Variants in TMEM132B observed in about 807,000 individuals in gnomAD.
TMEM132B encodes transmembrane protein 132B.
TMEM132B carries 18 observed loss-of-function variants against 90.8 expected under a neutral mutation model. The ratio of observed to expected loss-of-function variants is 0.20; its 90% CI spans 0.14 to 0.29. The LOEUF is 0.29. Among genes scored for constraint, TMEM132B ranks in the 10% least tolerant of loss-of-function variants. The pLI is 1.00. For synonymous variants in TMEM132B, 504 were observed against 523.3 expected, an observed-to-expected ratio of 0.96 and a Z score of 0.50; for missense variants, 1,096 against 1,326.8, an observed-to-expected ratio of 0.83 and a Z score of 2.70.
At chr12:125,519,843 C>T (rs180776176) in intron 4 of TMEM132B, among the ~76,000 whole-genome samples, 2 of 152,300 alleles carry the variant, frequency 1.3e-5, no homozygotes, top group African/African-American at 4.8e-5. Context: ...TATTGCGGAA[C>T]TGTTTCCTGG....
chr12:125,263,521 G>A (rs558978058), intron 1 of TMEM132B, among the ~76,000 whole-genome samples: 6 of 152,278 alleles, frequency 3.9e-5, no homozygotes, highest in South Asian at 4.1e-4. Context: ...CCTCAGACTC[G>A]GAGTAGTGCC....
intron 1 of TMEM132B, among the ~76,000 whole-genome samples, chr12:125,263,550 C>T (rs933596207): frequency 3.3e-5 from 5 of 152,168 alleles, no homozygotes; most frequent in Admixed American, 6.5e-5. Context: ...GTGAGGTCTT[C>T]GTGCATATTT....
chr12:125,537,498 C>T (rs549850685), intron 4 of TMEM132B, among the ~76,000 whole-genome samples: 1 of 152,222 alleles, frequency 6.6e-6, no homozygotes, highest in Non-Finnish European at 1.5e-5. Context: ...CCTTCTAAGT[C>T]ACCTGGGGCG....
At chr12:125,207,530 G>A (rs1235847686) in intron 1 of TMEM132B, among the ~76,000 whole-genome samples, 2 of 152,356 alleles carry the variant, frequency 1.3e-5, no homozygotes, top group African/African-American at 4.8e-5. Flanking sequence ...GTGGAGCGCT[G>A]AAATGTGACC....
At chr12:125,549,810 C>G (rs1050159998) in intron 4 of TMEM132B, among the ~76,000 whole-genome samples, 1 of 152,072 alleles carries the variant, frequency 6.6e-6, no homozygotes, top group Non-Finnish European at 1.5e-5. Context: ...TTTTGAACAC[C>G]CAGTAGACAG....
intron 5 of TMEM132B, among the ~76,000 whole-genome samples, chr12:125,640,026 C>T (rs1886588593): frequency 6.6e-6 from 1 of 152,140 alleles, no homozygotes; most frequent in Admixed American, 6.5e-5. Flanking sequence ...CAGTCTGGGC[C>T]ACGGCTGGCT....
chr12:125,201,659 A>T (rs1873065545), intron 1 of TMEM132B, among the ~76,000 whole-genome samples: 1 of 152,232 alleles, frequency 6.6e-6, no homozygotes, highest in South Asian at 2.1e-4. Context: ...ACCCTGGGTG[A>T]ATTACTTAAT....
chr12:125,648,162 T>A (rs1038047814), intron 6 of TMEM132B, among the ~76,000 whole-genome samples: 1 of 151,534 alleles, frequency 6.6e-6, no homozygotes, highest in African/African-American at 2.4e-5. Context: ...TGTTCGGTTT[T>A]TTATTCTTGC....
intron 5 of TMEM132B, among the ~76,000 whole-genome samples, chr12:125,642,287 A>T (rs984084345): frequency 6.6e-6 from 1 of 152,208 alleles, no homozygotes; most frequent in Non-Finnish European, 1.5e-5. Flanking sequence ...TGTTCTGATT[A>T]TTCTCTTTAC....
intron 4 of TMEM132B, among the ~76,000 whole-genome samples, chr12:125,531,983 C>A (rs1277118628): frequency 6.6e-6 from 1 of 152,246 alleles, no homozygotes; most frequent in African/African-American, 2.4e-5. Context: ...ATTTAGTAAA[C>A]CCCTTGCCAC....
At chr12:125,217,310 C>T (rs1024692049) in intron 1 of TMEM132B, among the ~76,000 whole-genome samples, 6 of 152,150 alleles carry the variant, frequency 3.9e-5, no homozygotes, top group Non-Finnish European at 8.8e-5. Flanking sequence ...GGGTCACTCA[C>T]TCTCCTCTCT....
chr12:125,633,216 G>A (rs984508024), intron 5 of TMEM132B, among the ~76,000 whole-genome samples: 1 of 152,014 alleles, frequency 6.6e-6, no homozygotes, highest in Non-Finnish European at 1.5e-5. Flanking sequence ...TAAGTGACTG[G>A]TGCGTTCTTC....
chr12:125,314,261 C>T (rs1044346407), intron 1 of TMEM132B, among the ~76,000 whole-genome samples: 8 of 152,176 alleles, frequency 5.3e-5, no homozygotes, highest in African/African-American at 1.2e-4. Context: ...GAAACAGTAA[C>T]GAGGGCTCAC....
In TMEM132B at chr12:125,659,842, T is replaced by G. The variant is rs559066073; in HGVS notation, c.*5132T>G. The G allele has an allele frequency of 6.6e-6, 1 of 152,312 alleles. No homozygotes were observed. Among genetic ancestry groups the G allele is most frequent in the Non-Finnish European group, 1.5e-5 (1 of 68,028 alleles). The allele number at this position is 152,312 out of a possible 1,614,324, so 9.4% of individuals were successfully genotyped here. On this transcript the variant is annotated 3_prime_UTR_variant, in exon 9 of 9. Transcript: ENST00000682704. ...GGCAGGATTTCCTGCCTCTAAACTATTGGCAGCAAAAGAGCCAAAAATGTG... is the reference window on the plus strand; with the variant it reads ...GGCAGGATTTCCTGCCTCTAAACTAGTGGCAGCAAAAGAGCCAAAAATGTG...
chr12:125,316,885 G>A (rs890019477), intron 1 of TMEM132B, among the ~76,000 whole-genome samples: 5 of 152,188 alleles, frequency 3.3e-5, no homozygotes, highest in Admixed American at 6.5e-5. Flanking sequence ...GAGCAGGGCA[G>A]GAGGCCTGAT....
At chr12:125,388,034 A>T (rs763239352) in intron 2 of TMEM132B, among the ~76,000 whole-genome samples, 2 of 152,174 alleles carry the variant, frequency 1.3e-5, no homozygotes, top group African/African-American at 4.8e-5. Flanking sequence ...TGTGGCACAG[A>T]TGATAATTAT....
Position 125,307,616 on chromosome 12 carries a change from G to T in TMEM132B, c.68-41836G>T, listed in dbSNP as rs190719106. Among the ~76,000 whole-genome samples, 33 of 151,624 alleles carry T rather than the reference G, an allele frequency of 2.2e-4. 1 individual carries two copies. The East Asian group carries it at 5.6e-3, about 26-fold the overall frequency. The stretch of plus-strand genomic sequence containing the variant: ...TGAAAATGAAAACATTACAAATAGG[G>T]CTAAAGTCTGTTGTGATCAGCATCC... On this transcript the variant is annotated intron_variant, in intron 1 of 8. Transcript: ENST00000682704.
intron 3 of TMEM132B, among the ~76,000 whole-genome samples, chr12:125,437,183 A>G (rs1880731978): frequency 6.6e-6 from 1 of 152,222 alleles, no homozygotes; most frequent in Non-Finnish European, 1.5e-5. Flanking sequence ...GGATTGGGGC[A>G]GAGTGACCCC....
chr12:125,222,527 T>C (rs1306965916), intron 1 of TMEM132B, among the ~76,000 whole-genome samples: 1 of 152,222 alleles, frequency 6.6e-6, no homozygotes, highest in Admixed American at 6.5e-5. Flanking sequence ...TTTCACTTTC[T>C]GAACATTTGT....
Sources: gnomAD v4.1 joint callset for allele counts (sites outside exome capture counted in the v4.1 genomes callset) on GRCh38, gnomAD v4.1.1 for gene constraint, MANE v1.5 for transcripts, NCBI Gene and HGNC (gene_info 2026-07-23, HGNC 2026-07-21) for gene names.